ZHX2: variants seen among roughly 807,000 people sequenced by gnomAD.
The protein encoded by ZHX2 is zinc fingers and homeoboxes 2.
A neutral mutation model predicts 21.9 loss-of-function variants in ZHX2; 6 were observed. The observed-to-expected ratio is 0.27, with a 90% CI of 0.15 to 0.54. The LOEUF is 0.54. Among genes scored for constraint, ZHX2 ranks in the 20% least tolerant of loss-of-function variants. The pLI is 0.95. For missense variants in ZHX2, 908 were observed against 1,090.7 expected (o/e 0.83, Z 2.36); for synonymous variants, 434 against 437.1 (o/e 0.99, Z 0.09).
At position 122,952,896 on chromosome 8, in the gene ZHX2, G is replaced by A; in HGVS notation, c.1386G>A (p.Gln462=). Residue 462 remains glutamine, a synonymous_variant, in exon 3 of 4, where the codon CAG becomes CAA. Coordinates refer to ENST00000314393, the MANE Select transcript of ZHX2 (RefSeq NM_014943.5). The surrounding 1 kb of genome is among the most constrained non-coding windows in gnomAD (Gnocchi z 6.9). ...TCAAGGCCAGCTTTCTCCAGAGCCA[G>A]TTCCCTGACGATGCCGAGGTTTACC... ...AHLKASFLQS[Q]FPDDAEVYRL... is the part of the protein sequence containing the mutation. The A allele has an allele frequency of 6.2e-7, 1 of 1,614,194 alleles. No individual in the cohort carries two copies. Among genetic ancestry groups the A allele is most frequent in the Non-Finnish European group, 8.5e-7 (1 of 1,180,046 alleles).
At chr8:122,918,804 G>A (rs1041760573) in intron 2 of ZHX2, among the ~76,000 whole-genome samples, 26 of 151,958 alleles carry the variant, frequency 1.7e-4, no homozygotes, top group Non-Finnish European at 3.1e-4. Context: ...AATGAGCTGG[G>A]CATGGTGGCA....
chr8:122,897,674 T>C (rs907476447), intron 2 of ZHX2, among the ~76,000 whole-genome samples: 3 of 151,990 alleles, frequency 2.0e-5, no homozygotes, highest in African/African-American at 7.3e-5. Context: ...TATGATGTGA[T>C]TTTTCATGTT....
intron 1 of ZHX2, among the ~76,000 whole-genome samples, chr8:122,797,161 T>C (rs1563733357): frequency 6.6e-6 from 1 of 152,192 alleles, no homozygotes; most frequent in African/African-American, 2.4e-5. Context: ...TCCCAGTGGC[T>C]TCATAAGGCA....
intron 2 of ZHX2, among the ~76,000 whole-genome samples, chr8:122,880,587 C>A (rs963083505): frequency 1.4e-4 from 22 of 151,950 alleles, no homozygotes; most frequent in African/African-American, 5.1e-4. Context: ...CCAGCCTGGG[C>A]AACATGGTGA....
intron 2 of ZHX2, among the ~76,000 whole-genome samples, chr8:122,906,949 G>A (rs1233795909): frequency 6.6e-6 from 1 of 152,068 alleles, no homozygotes; most frequent in Non-Finnish European, 1.5e-5. Context: ...GGGATTACAG[G>A]CATGAGCCGC....
chr8:122,790,137 G>T (rs1236799434), intron 1 of ZHX2, among the ~76,000 whole-genome samples: 1 of 152,180 alleles, frequency 6.6e-6, no homozygotes, highest in Non-Finnish European at 1.5e-5. Context: ...ATCACTGAAA[G>T]AAGATTTTGA....
chr8:122,878,091 T>C (rs1473271282), intron 2 of ZHX2, among the ~76,000 whole-genome samples: 25 of 152,024 alleles, frequency 1.6e-4, no homozygotes, highest in African/African-American at 4.8e-5. Context: ...TGTGTGTGTG[T>C]GTATAAAATA....
At position 122,969,003 on chromosome 8, in the gene ZHX2, A is replaced by C. The variant is rs960785886; in HGVS notation, c.*5-4239A>C. 1.6e-4 allele frequency among the ~76,000 whole-genome samples: 24 copies of C among 152,222 alleles called. 1 individual carries two copies. Among genetic ancestry groups the C allele is most frequent in the African/African-American group, 5.5e-4 (23 of 41,528 alleles). On this transcript the variant is annotated intron_variant, in intron 3 of 3. Transcript: ENST00000314393. ...GTGAAATCCCACCTGTACTAAAAATACAAAAATTAGAGCCGGGTGTGGTGG... is the reference window on the plus strand; with the variant it reads ...GTGAAATCCCACCTGTACTAAAAATCCAAAAATTAGAGCCGGGTGTGGTGG...
intron 1 of ZHX2, among the ~76,000 whole-genome samples, chr8:122,832,153 G>A (rs946872404): frequency 3.3e-5 from 5 of 152,226 alleles, no homozygotes; most frequent in East Asian, 3.8e-4. Flanking sequence ...AGGTAAGAGC[G>A]TGGCCGGGTT....
intron 2 of ZHX2, among the ~76,000 whole-genome samples, chr8:122,895,815 C>A (rs1302340509): frequency 6.6e-6 from 1 of 151,918 alleles, no homozygotes; most frequent in Non-Finnish European, 1.5e-5. Flanking sequence ...ACCATCAGAA[C>A]CATGCAAAAA....
chr8:122,882,207 C>CA (rs1819728926), intron 2 of ZHX2, among the ~76,000 whole-genome samples: 1 of 151,986 alleles, frequency 6.6e-6, no homozygotes, highest in Non-Finnish European at 1.5e-5. Context: ...TTTTTGGCCA[C>CA]ATTTCAAACT....
At chr8:122,843,759 A>G (rs1807835071) in intron 1 of ZHX2, among the ~76,000 whole-genome samples, 2 of 152,234 alleles carry the variant, frequency 1.3e-5, no homozygotes, top group African/African-American at 2.4e-5. Context: ...CTAGACGTGA[A>G]GGAGCTTATG....
At chr8:122,810,825 G>C (rs1817913304) in intron 1 of ZHX2, among the ~76,000 whole-genome samples, 1 of 151,894 alleles carries the variant, frequency 6.6e-6, no homozygotes, top group East Asian at 1.9e-4. Flanking sequence ...AAGTTTTAGG[G>C]TACGTGTGCA....
intron 1 of ZHX2, among the ~76,000 whole-genome samples, chr8:122,863,150 T>G (rs535311142): frequency 6.6e-6 from 1 of 152,232 alleles, no homozygotes; most frequent in East Asian, 1.9e-4. Flanking sequence ...GGACTCTGAC[T>G]GAGGTTAAAG....
At chr8:122,794,352 C>T (rs182391370) in intron 1 of ZHX2, among the ~76,000 whole-genome samples, 3 of 152,052 alleles carry the variant, frequency 2.0e-5, no homozygotes, top group African/African-American at 2.4e-5. Flanking sequence ...TCACCAATCT[C>T]TCCCCTCCTC....
intron 1 of ZHX2, among the ~76,000 whole-genome samples, chr8:122,848,495 C>T (rs1818806287): frequency 6.6e-6 from 1 of 152,106 alleles, no homozygotes; most frequent in Admixed American, 6.5e-5. Context: ...CCCCCCACCA[C>T]TCCCCAGATT....
chr8:122,916,476 CTTTCTTTTTCTT>C (rs964192056), intron 2 of ZHX2, among the ~76,000 whole-genome samples: 1 of 152,106 alleles, frequency 6.6e-6, no homozygotes, highest in African/African-American at 2.4e-5. Context: ...GCTTCGGTGC[CTTTCTTTTTCTT>C]TTTCTTTTTC....
chr8:122,789,038 T>C (rs547011512), intron 1 of ZHX2, among the ~76,000 whole-genome samples: 1 of 152,274 alleles, frequency 6.6e-6, no homozygotes, highest in African/African-American at 2.4e-5. Flanking sequence ...AGAGAAGGAA[T>C]CCCCGTGGGC....
At chr8:122,954,424 C>T (rs1487140805) in intron 3 of ZHX2, among the ~76,000 whole-genome samples, 1 of 152,190 alleles carries the variant, frequency 6.6e-6, no homozygotes, top group Non-Finnish European at 1.5e-5. Flanking sequence ...CCTCCCCCCT[C>T]AGCTTATCAA....
Sources: gnomAD v4.1 joint callset for allele counts (sites outside exome capture counted in the v4.1 genomes callset) on GRCh38, gnomAD v4.1.1 for gene constraint, Gnocchi (gnomAD v3.1) non-coding constraint, MANE v1.5 for transcripts, NCBI Gene and HGNC (gene_info 2026-07-23, HGNC 2026-07-21) for gene names.